Variants in ASIC2 observed in about 807,000 individuals in gnomAD.
The protein encoded by ASIC2 is acid-sensing ion channel 2.
A neutral mutation model predicts 57.3 loss-of-function variants in ASIC2; 25 were observed. That is an observed-to-expected ratio of 0.44 (90% CI 0.32 to 0.61). ASIC2 has a LOEUF of 0.61. Among genes scored for constraint, ASIC2 ranks in the 20% least tolerant of loss-of-function variants. The pLI, the probability that ASIC2 is intolerant of heterozygous loss-of-function variation, is 0.06. For missense variants in ASIC2, 641 were observed against 738.1 expected, an observed-to-expected ratio of 0.87 and a Z score of 1.52; for synonymous variants, 319 against 307.5, an observed-to-expected ratio of 1.04 and a Z score of -0.39.
intron 1 of ASIC2, among the ~76,000 whole-genome samples, chr17:33,685,337 C>T (rs1418888598): frequency 1.3e-5 from 2 of 152,312 alleles, no homozygotes; most frequent in African/African-American, 4.8e-5. Flanking sequence ...GGCCACCTCG[C>T]GCTCCTCCAT....
chr17:33,826,515 C>T (rs1165166414), intron 1 of ASIC2, among the ~76,000 whole-genome samples: 1 of 152,150 alleles, frequency 6.6e-6, no homozygotes, highest in Non-Finnish European at 1.5e-5. Flanking sequence ...ATTCACAGGG[C>T]TGGAGGAACG....
chr17:33,155,029 CG>C (rs1029025976), intron 1 of ASIC2, among the ~76,000 whole-genome samples: 3 of 152,322 alleles, frequency 2.0e-5, no homozygotes, highest in African/African-American at 7.2e-5. Flanking sequence ...TTGTTGGCGG[CG>C]GCGGCAGCGT....
chr17:34,099,138 G>GAC (rs1910676033), intron 1 of ASIC2, among the ~76,000 whole-genome samples: 1 of 28,024 alleles, frequency 3.6e-5, no homozygotes, highest in East Asian at 1.8e-3. Context: ...GAGAGAGAGA[G>GAC]AGAGAGACAG....
intron 1 of ASIC2, among the ~76,000 whole-genome samples, chr17:33,836,204 A>G (rs543598939): frequency 3.6e-5 from 5 of 140,688 alleles, no homozygotes; most frequent in African/African-American, 1.3e-4. Context: ...TGCAACCTCT[A>G]CCTCCTGGGT....
At chr17:34,056,748 T>C (rs767827927) in intron 1 of ASIC2, among the ~76,000 whole-genome samples, 1 of 152,224 alleles carries the variant, frequency 6.6e-6, no homozygotes, top group Non-Finnish European at 1.5e-5. Context: ...AATAACCTAC[T>C]GATTCAGTAT....
At chr17:33,252,671 G>A (rs961144058) in intron 1 of ASIC2, among the ~76,000 whole-genome samples, 3 of 151,960 alleles carry the variant, frequency 2.0e-5, no homozygotes, top group Non-Finnish European at 2.9e-5. Flanking sequence ...TGAACTACCT[G>A]ATCTCGTGTG....
chr17:33,016,719 G>T (rs1313284202), intron 8 of ASIC2, among the ~76,000 whole-genome samples: 1 of 152,036 alleles, frequency 6.6e-6, no homozygotes, highest in Non-Finnish European at 1.5e-5. Flanking sequence ...GTCATGAACA[G>T]CCCCCTCCGA....
At chr17:33,844,944 G>A (rs1463575082) in intron 1 of ASIC2, among the ~76,000 whole-genome samples, 2 of 152,208 alleles carry the variant, frequency 1.3e-5, no homozygotes, top group Non-Finnish European at 1.5e-5. Context: ...TAACACAGAT[G>A]TTAAGTAACT....
chr17:33,252,741 C>T (rs1908928543), intron 1 of ASIC2, among the ~76,000 whole-genome samples: 1 of 152,120 alleles, frequency 6.6e-6, no homozygotes, highest in Non-Finnish European at 1.5e-5. Context: ...ACTCACCCTT[C>T]TCTTACGCCT....
At chr17:33,531,927 A>T (rs1050750921) in intron 1 of ASIC2, among the ~76,000 whole-genome samples, 8 of 152,224 alleles carry the variant, frequency 5.3e-5, no homozygotes, top group Admixed American at 3.3e-4. Context: ...GTCAAGGGCC[A>T]CATGGAAAGG....
chr17:33,617,582 AC>A (rs1905648025), intron 1 of ASIC2, among the ~76,000 whole-genome samples: 1 of 152,214 alleles, frequency 6.6e-6, no homozygotes, highest in South Asian at 2.1e-4. Flanking sequence ...AATAATCTGT[AC>A]ACCAGACCCC....
chr17:33,310,362 A>G (rs2142203929), intron 1 of ASIC2, among the ~76,000 whole-genome samples: 1 of 152,252 alleles, frequency 6.6e-6, no homozygotes, highest in East Asian at 1.9e-4. Context: ...TAATTTGACT[A>G]GATGACCTCT....
chr17:33,426,360 A>C (rs117919833), intron 1 of ASIC2, among the ~76,000 whole-genome samples: 2,469 of 152,320 alleles, frequency 0.016, 34 homozygotes, highest in South Asian at 0.035. Flanking sequence ...CTGCAGTAGA[A>C]TGATTCAAGG....
intron 1 of ASIC2, among the ~76,000 whole-genome samples, chr17:34,020,171 C>G (rs947307702): frequency 4.6e-5 from 7 of 152,164 alleles, no homozygotes; most frequent in Admixed American, 1.3e-4. Flanking sequence ...GTTTGCATGA[C>G]CAAAGTCATT....
rs990254215 is a variant in ASIC2, at chr17:33,395,214, G to GTCCATCCATCCA, written c.556-283159_556-283148dup. ...AACCTATCCATTCATCCATCCATCCGTCCATCCATCCATCCATCTTTCCAT... is the reference window on the plus strand; with the variant it reads ...AACCTATCCATTCATCCATCCATCCGTCCATCCATCCATCCATCCATCCATCCATCTTTCCAT... On this transcript the variant is annotated intron_variant, in intron 1 of 9. Coordinates refer to the ASIC2 transcript ENST00000359872. Among the ~76,000 whole-genome samples the GTCCATCCATCCA allele has an allele frequency of 1.5e-5, 2 of 136,654 alleles. 1 individual carries two copies. Among genetic ancestry groups the GTCCATCCATCCA allele is most frequent in the South Asian group, 5.3e-4 (2 of 3,742 alleles). The allele number at this position is 136,654 out of a possible 152,430, so 89.7% of individuals were successfully genotyped here.
At chr17:33,528,672 G>A (rs1914961329) in intron 1 of ASIC2, among the ~76,000 whole-genome samples, 1 of 152,082 alleles carries the variant, frequency 6.6e-6, no homozygotes. Flanking sequence ...CAAAAGACAA[G>A]GCAAGGCTAG....
chr17:33,664,084 A>G (rs1907391695), intron 1 of ASIC2, among the ~76,000 whole-genome samples: 2 of 152,224 alleles, frequency 1.3e-5, no homozygotes, highest in African/African-American at 4.8e-5. Context: ...GTCAAGGTTT[A>G]TCTGATGCTA....
At chr17:33,233,731 A>C (rs1230500780) in intron 1 of ASIC2, among the ~76,000 whole-genome samples, 2 of 152,122 alleles carry the variant, frequency 1.3e-5, no homozygotes, top group Non-Finnish European at 2.9e-5. Context: ...CCAATGTCAG[A>C]TGACTTGAGG....
intron 1 of ASIC2, among the ~76,000 whole-genome samples, chr17:33,429,900 C>T (rs1404360446): frequency 6.6e-6 from 1 of 152,122 alleles, no homozygotes; most frequent in Non-Finnish European, 1.5e-5. Context: ...TGGTGAAAAG[C>T]AACCTGCTTA....
Sources: gnomAD v4.1 joint callset for allele counts (sites outside exome capture counted in the v4.1 genomes callset) on GRCh38, gnomAD v4.1.1 for gene constraint, MANE v1.5 for transcripts, NCBI Gene and HGNC (gene_info 2026-07-23, HGNC 2026-07-21) for gene names.